The following PMP22 variants were observed in gnomAD, a reference collection of about 807,000 sequenced individuals.
PMP22 encodes the protein Charcot-Marie-Tooth neuropathy 1A (greatly reduced nerve conduction velocity, hereditary motor sensory neuropathy Ia).
Under a neutral mutation model 18.9 loss-of-function variants are expected in PMP22, and 2 were observed. The ratio of observed to expected loss-of-function variants is 0.11; its 90% confidence interval spans 0.04 to 0.33. PMP22 has a LOEUF of 0.33. PMP22 is among the 10% of genes least tolerant of loss of function. The probability of loss-of-function intolerance (pLI) is 1.00; values close to 1 mark genes in which losing one functional copy is unlikely to be tolerated. For synonymous variants in PMP22, 95 were observed against 89.2 expected, an observed-to-expected ratio of 1.07 and a Z score of -0.37; for missense variants, 169 against 202.2, an observed-to-expected ratio of 0.84 and a Z score of 1.00.
At chr17:15,231,183 T>A in intron 4 of PMP22, 103 bp from the exon 5 acceptor site, 1 of 1,138,318 alleles carries the variant, frequency 8.8e-7, no homozygotes, top group Non-Finnish European at 1.3e-6. Flanking sequence ...GAAGAACATT[T>A]CTACCTCTGG....
At chr17:15,244,169 G>T (rs1907588566) in intron 3 of PMP22, among the ~76,000 whole-genome samples, 1 of 152,074 alleles carries the variant, frequency 6.6e-6, no homozygotes, top group African/African-American at 2.4e-5. Context: ...CGTAAAAGGT[G>T]CCCAACCTCA....
intron 3 of PMP22, among the ~76,000 whole-genome samples, chr17:15,240,527 C>A (rs543625292): frequency 3.8e-4 from 58 of 151,688 alleles, no homozygotes; most frequent in South Asian, 2.3e-3. Flanking sequence ...TCTGTTGAAC[C>A]CCAAATCTCC....
chr17:15,254,601 G>A (rs572169663), intron 3 of PMP22, among the ~76,000 whole-genome samples: 31 of 152,286 alleles, frequency 2.0e-4, no homozygotes, highest in Admixed American at 7.2e-4. Context: ...CCCAAGGGAA[G>A]TGGCCAGGAG....
intron 2 of PMP22, 47 bp downstream of exon 2, chr17:15,260,603 A>G (rs1360768314): frequency 6.8e-7 from 1 of 1,476,126 alleles, no homozygotes; most frequent in Admixed American, 2.0e-5. Context: ...GGGAACCCAG[A>G]TGGGGAAGGG....
rs188456574 is a variant in PMP22, at chr17:15,258,990, C to T, written c.178+104G>A. 9.3e-6 allele frequency: 8 copies of T among 864,200 alleles called. No individual in the cohort carries two copies. Among genetic ancestry groups the T allele is most frequent in the African/African-American group, 6.6e-5 (4 of 60,560 alleles). 53.5% of individuals were successfully genotyped at this position (864,200 alleles called of 1,614,324 possible). ...GTCACATCCCACCCCACCCCAGCAACGACATTCTGGCTTGTGTCTTCCAAT... is the reference window on the plus strand; with the variant it reads ...GTCACATCCCACCCCACCCCAGCAATGACATTCTGGCTTGTGTCTTCCAAT... On this transcript the variant is annotated intron_variant, in intron 3 of 4. Coordinates refer to ENST00000312280, the MANE Select transcript of PMP22 (RefSeq NM_000304.4). This position sits in a 1 kb window ranked among gnomAD's most constrained non-coding sequence, Gnocchi z 4.1.
intron 3 of PMP22, among the ~76,000 whole-genome samples, chr17:15,247,067 CAAAA>C (rs144096552): frequency 1.9e-4 from 13 of 69,098 alleles, no homozygotes; most frequent in African/African-American, 6.5e-5. Context: ...AGACTCGTCT[CAAAA>C]AAAAAAAAAA....
intron 1 of PMP22, among the ~76,000 whole-genome samples, chr17:15,262,815 C>A (rs1052076223): frequency 6.6e-6 from 1 of 152,210 alleles, no homozygotes; most frequent in Non-Finnish European, 1.5e-5. Flanking sequence ...TCCCCTGGCC[C>A]CGTGGAGACC....
chr17:15,255,504 A>G (rs1022744176), intron 3 of PMP22, among the ~76,000 whole-genome samples: 8 of 151,574 alleles, frequency 5.3e-5, no homozygotes, highest in Admixed American at 2.6e-4. Flanking sequence ...TGAGCTAGAA[A>G]GTGTCTGCAT....
intron 1 of PMP22, chr17:15,262,575 C>T (rs1315218254): frequency 6.6e-6 from 1 of 152,236 alleles, no homozygotes; most frequent in African/African-American, 2.4e-5. Context: ...CTGGCGTTCC[C>T]CTTTAACGGG....
rs116323867 is a variant in PMP22 at position 15,255,670 on chromosome 17, C to A, written c.178+3424G>T. On this transcript the variant is annotated intron_variant, in intron 3 of 4. Coordinates refer to ENST00000312280, the MANE Select transcript of PMP22 (RefSeq NM_000304.4). ...ATCCTAATCCTAACCAGAACACTAGCCAACCAGTCTACCCCATCCCCTGCC... is the reference window on the plus strand; with the variant it reads ...ATCCTAATCCTAACCAGAACACTAGACAACCAGTCTACCCCATCCCCTGCC... 5.6e-3 allele frequency among the ~76,000 whole-genome samples: 848 copies of A among 152,298 alleles called. 10 individuals are homozygous for A. The highest frequency in any genetic ancestry group is 0.019 in the African/African-American group (792 of 41,578).
At chr17:15,251,312 C>T (rs1363784008) in intron 3 of PMP22, among the ~76,000 whole-genome samples, 2 of 152,096 alleles carry the variant, frequency 1.3e-5, no homozygotes, top group Non-Finnish European at 2.9e-5. Flanking sequence ...TGTTCCACTA[C>T]CCATAGTGAT....
chr17:15,259,269 A>G, intron 2 of PMP22, 76 bp from the exon 3 acceptor site: 1 of 1,232,332 alleles, frequency 8.1e-7, no homozygotes, highest in East Asian at 2.3e-5. Context: ...AGAAAGGCCC[A>G]GGGATGGCGA....
rs572964331 is a variant in PMP22, at chr17:15,234,883, C to A, written c.320-3803G>T. ...GCTGGAGCAAGTGCAGGGGCCTGAT[C>A]ATAGTTCACTGTAGTCTTGACCTCT... On this transcript the variant is annotated intron_variant, in intron 4 of 4. Transcript: ENST00000312280. Among the ~76,000 whole-genome samples, 5 of 151,902 alleles carry A rather than the reference C, an allele frequency of 3.3e-5. No homozygotes were observed. The South Asian group carries it at 6.2e-4, about 19-fold the overall frequency.
Position 15,259,174 on chromosome 17 carries a change from C to T in PMP22, c.98G>A (p.Gly33Glu), listed in dbSNP as rs754175558. Residue 33 changes from glycine to glutamate, a missense_variant, in exon 3 of 5, where the codon GGA becomes GAA. Transcript: ENST00000312280. ...GTTCTGCCAGAGATCAGTTGCGTGT[C>T]CATTGCCCACGATCCATTGCTAGAG... ...TIVSQWIVGN[G>E]HATDLWQNCS... 10 of 1,613,060 alleles carry T rather than the reference C, an allele frequency of 6.2e-6. No individual in the cohort carries two copies. The highest frequency in any genetic ancestry group is 8.5e-6 in the Non-Finnish European group (10 of 1,179,186).
rs551742178 is a variant in PMP22, at chr17:15,258,119, G to A, written c.178+975C>T. On this transcript the variant is annotated intron_variant, in intron 3 of 4. Coordinates refer to ENST00000312280, the MANE Select transcript of PMP22 (RefSeq NM_000304.4). This position sits in a 1 kb window ranked among gnomAD's most constrained non-coding sequence, Gnocchi z 4.1. ...TCTTGAACATATATACTGGATCTATGAGTAGCTCCAGCAACATTTAAAGCT... is the reference window on the plus strand; with the variant it reads ...TCTTGAACATATATACTGGATCTATAAGTAGCTCCAGCAACATTTAAAGCT... 6.6e-6 allele frequency among the ~76,000 whole-genome samples: 1 copy of A among 152,138 alleles called. No individual in the cohort carries two copies. Among genetic ancestry groups the A allele is most frequent in the Non-Finnish European group, 1.5e-5 (1 of 68,036 alleles).
Position 15,239,343 on chromosome 17 carries a change from T to C in PMP22, c.319+128A>G, listed in dbSNP as rs568529764. On this transcript the variant is annotated intron_variant, in intron 4 of 4. Transcript: ENST00000312280. The stretch of plus-strand genomic sequence containing the variant: ...CATACAAGCACCCACCCTCACTTTA[T>C]GGAAAGCATCCAGTGGGGAGACTCA... 5.7e-5 allele frequency: 63 copies of C among 1,104,936 alleles called. No individual in the cohort carries two copies. In the African/African-American group the frequency reaches 8.3e-4, roughly 15 times the overall value. The allele number at this position is 1,104,936 out of a possible 1,614,324, so 68.4% of individuals were successfully genotyped here.
intron 1 of PMP22, among the ~76,000 whole-genome samples, 178 bp downstream of exon 1, chr17:15,264,976 T>A (rs1368714185): frequency 6.6e-6 from 1 of 152,098 alleles, no homozygotes. Flanking sequence ...AGAGTATATA[T>A]CCACCTTTTA....
intron 2 of PMP22, 64 bp downstream of exon 2, chr17:15,260,586 A>G: frequency 7.5e-7 from 1 of 1,327,908 alleles, no homozygotes; most frequent in East Asian, 2.5e-5. Flanking sequence ...CAGCAGGAGC[A>G]CGGGCTGGGA....
rs114197728 is a variant in PMP22 at position 15,233,169 on chromosome 17, G to A, written c.320-2089C>T. The stretch of plus-strand genomic sequence containing the variant: ...CATCTCCAAAAGCCAAATACCCCTA[G>A]TAAGTGGACTGTGACTCACTTTCTC... On this transcript the variant is annotated intron_variant, in intron 4 of 4. Coordinates refer to ENST00000312280, the MANE Select transcript of PMP22 (RefSeq NM_000304.4). Among the ~76,000 whole-genome samples, 791 of 152,290 alleles carry A rather than the reference G, an allele frequency of 5.2e-3. 10 individuals carry two copies. The highest frequency in any genetic ancestry group is 0.018 in the African/African-American group (754 of 41,560).
Sources: allele counts gnomAD v4.1 joint callset (sites outside exome capture counted in the v4.1 genomes callset), GRCh38; gene constraint gnomAD v4.1.1; non-coding constraint Gnocchi (gnomAD v3.1); transcripts MANE v1.5; gene names NCBI Gene and HGNC (gene_info 2026-07-23, HGNC 2026-07-21).